The following CCDC144A variants were observed in gnomAD, a reference collection of about 807,000 sequenced individuals.
CCDC144A encodes coiled-coil domain containing 144A.
A neutral mutation model predicts 143.8 loss-of-function variants in CCDC144A; 41 were observed. The ratio of observed to expected loss-of-function variants is 0.29; its 90% CI spans 0.22 to 0.37. CCDC144A has a LOEUF of 0.37. CCDC144A is among the 10% of genes least tolerant of loss of function. The pLI is 1.00. For synonymous variants in CCDC144A, 242 were observed against 517.9 expected (o/e 0.47, Z 7.23); for missense variants, 637 against 1,488.8 (o/e 0.43, Z 9.41).
the CCDC144A span, among the ~76,000 whole-genome samples, chr17:16,676,220 A>G: frequency 1.3e-5 from 2 of 152,000 alleles, no homozygotes; most frequent in Admixed American, 6.6e-5. Context: ...AGAGTGTATA[A>G]TAGTTCTCAG....
intron 11 of CCDC144A, among the ~76,000 whole-genome samples, chr17:16,733,959 G>A (rs1362384038): frequency 6.6e-5 from 10 of 151,976 alleles, no homozygotes; most frequent in Non-Finnish European, 1.0e-4. Flanking sequence ...GCAGCATGGC[G>A]AAACCCCATC....
In CCDC144A at chr17:16,690,269, G is replaced by C; in HGVS notation, c.-132G>C. ...GCTTTGCGGTGGCTGTTGGCTTGGC[G>C]GTGGTCGCTTGGCTTGGCGTGGCAG... On this transcript the variant is annotated 5_prime_UTR_variant, in exon 1 of 17. Transcript: ENST00000399273. 1 of 602,112 alleles carries C rather than the reference G, an allele frequency of 1.7e-6. No homozygotes were observed. The highest frequency in any genetic ancestry group is 2.9e-5 in the East Asian group (1 of 33,960). The allele number at this position is 602,112 out of a possible 1,614,324, so 37.3% of individuals were successfully genotyped here. A position where few individuals can be genotyped will look rare whatever the true frequency, so the allele number is the denominator to read the frequency against.
In CCDC144A at chr17:16,734,870, A is replaced by G. The variant is rs1164122053; in HGVS notation, c.2599A>G (p.Ile867Val). 3.2e-6 allele frequency: 5 copies of G among 1,566,770 alleles called. No individual in the cohort carries two copies. The highest frequency in any genetic ancestry group is 2.6e-6 in the Non-Finnish European group (3 of 1,158,584). ...AAAGAATGATAACCTTCAAAAAATTATAAAACTAAATGAGGAAACATTAAC... is the reference window on the plus strand; with the variant it reads ...AAAGAATGATAACCTTCAAAAAATTGTAAAACTAAATGAGGAAACATTAAC... ...KEKNDNLQKI[I>V]KLNEETLTET... Residue 867 changes from isoleucine (I) to valine (V), a missense_variant, in exon 12 of 17, where the codon ATA (isoleucine) becomes GTA (valine). Ile to Val is a conservative substitution (Grantham distance 29, BLOSUM62 3). Transcript: ENST00000399273.
At chr17:16,704,098 GA>G (rs1470867178) in intron 2 of CCDC144A, among the ~76,000 whole-genome samples, 1 of 152,184 alleles carries the variant, frequency 6.6e-6, no homozygotes, top group Non-Finnish European at 1.5e-5. Flanking sequence ...CCTTTATGGT[GA>G]AATGGACTTT....
Position 16,735,014 on chromosome 17 carries a change from T to A in CCDC144A, c.2743T>A (p.Ser915Thr). The change falls in exon 12 of 17, where the codon TCA becomes ACA. Residue 915 changes from serine to threonine, a missense_variant. Physicochemically the swap from Ser to Thr is moderately conservative, Grantham distance 58. Coordinates refer to ENST00000399273, the MANE Select transcript of CCDC144A (RefSeq NM_001382000.1). The part of the protein sequence containing the change: ...NQERLEIEME[S>T]YRCRLAAAVR... ...AGAAAGACTAGAAATAGAAATGGAA[T>A]CATACCGTTGTAGACTAGCTGCTGC... is the stretch of plus-strand genomic sequence containing the variant. 6.2e-7 allele frequency: 1 copy of A among 1,611,782 alleles called. No individual in the cohort carries two copies. The highest frequency in any genetic ancestry group is 8.5e-7 in the Non-Finnish European group (1 of 1,179,564).
At chr17:16,686,874 A>G (rs947338132), upstream of CCDC144A, among the ~76,000 whole-genome samples, 3 of 152,030 alleles carry the variant, frequency 2.0e-5, no homozygotes, top group African/African-American at 7.2e-5. Flanking sequence ...GGATGCAGGA[A>G]TAGGCCTTCT....
Position 16,751,294 on chromosome 17 carries a change from A to G in CCDC144A, c.3373-10131A>G, listed in dbSNP as rs529723704. On this transcript the variant is annotated intron_variant, in intron 12 of 16. Transcript: ENST00000399273. ...TTTTTCTGGGTGGTTTCAGATGGCC[A>G]GGACTCTACACAGGTTCCTTCCTTG... 4.6e-5 allele frequency among the ~76,000 whole-genome samples: 7 copies of G among 152,072 alleles called. No individual in the cohort carries two copies. The South Asian group carries it at 6.3e-4, about 14-fold the overall frequency.
the CCDC144A span, among the ~76,000 whole-genome samples, chr17:16,682,908 T>TG: frequency 1.6e-5 from 2 of 127,546 alleles, no homozygotes; most frequent in Non-Finnish European, 3.4e-5. Context: ...TTTTTTTTTT[T>TG]TTTTTTTTTT....
rs764431781 is a variant in CCDC144A at position 16,720,211 on chromosome 17, A to G, written c.1729A>G (p.Thr577Ala). Reference sequence around the variant, plus strand: ...TTTTTTTTTCAGGCCTGCAGATAAAACATCTAATGAAAAGAACGAGGTATT... The same window carrying G: ...TTTTTTTTTCAGGCCTGCAGATAAAGCATCTAATGAAAAGAACGAGGTATT... ...NGEHDRPADKTSNEKNEVKNQ... is the reference protein window; with the variant it reads ...NGEHDRPADKASNEKNEVKNQ... Residue 577 changes from threonine (T) to alanine (A), a missense_variant, in exon 7 of 17, where the codon ACA (threonine) becomes GCA (alanine). Transcript: ENST00000399273. 4.6e-6 allele frequency: 7 copies of G among 1,519,026 alleles called. No homozygotes were observed. The highest frequency in any genetic ancestry group is 6.2e-6 in the Non-Finnish European group (7 of 1,136,958). 94.1% of individuals were successfully genotyped at this position (1,519,026 alleles called of 1,614,324 possible). A position where few individuals can be genotyped will look rare whatever the true frequency, so the allele number is the denominator to read the frequency against.
chr17:16,704,191 C>T (rs1330795056), intron 2 of CCDC144A, among the ~76,000 whole-genome samples: 11 of 152,140 alleles, frequency 7.2e-5, no homozygotes, highest in South Asian at 4.1e-4. Context: ...CGGTGGCTCA[C>T]GCCTGTAAAT....
rs200444506 is a variant in CCDC144A, at chr17:16,709,138, T to C, written c.1081T>C (p.Phe361Leu). 1,567 of 1,611,674 alleles carry C rather than the reference T, an allele frequency of 9.7e-4. 1 individual carries two copies. The highest frequency in any genetic ancestry group is 1.2e-3 in the Non-Finnish European group (1,404 of 1,179,638). The change falls in exon 5 of 17, where the codon TTT becomes CTT. Residue 361 changes from phenylalanine to leucine, a missense_variant. Phe to Leu is a conservative substitution (Grantham distance 22). Transcript: ENST00000399273. ...EISVSVVFET[F>L]PEQKEPSLKN... ...ATCTGTCTCAGTGGTATTCGAGACA[T>C]TTCCTGAACAAAAAGAACCCAGTCT... is the stretch of plus-strand genomic sequence containing the variant.
intron 6 of CCDC144A, among the ~76,000 whole-genome samples, chr17:16,719,873 A>G (rs569676681): frequency 6.6e-6 from 1 of 152,234 alleles, no homozygotes; most frequent in African/African-American, 2.4e-5. Flanking sequence ...ACCCTGGTAT[A>G]TTTATTTTTA....
chr17:16,678,858 A>T, the CCDC144A span, among the ~76,000 whole-genome samples: 255 of 149,278 alleles, frequency 1.7e-3, 5 homozygotes, highest in East Asian at 0.045. Flanking sequence ...GGGTTCAAGC[A>T]ATTCTCCTGC....
chr17:16,687,892 ATT>A (rs953258940), upstream of CCDC144A, among the ~76,000 whole-genome samples: 1 of 149,160 alleles, frequency 6.7e-6, no homozygotes, highest in African/African-American at 2.5e-5. Flanking sequence ...TAGCACACTA[ATT>A]TTTTTTTTAG....
chr17:16,734,099 C>T (rs1045927545), intron 11 of CCDC144A, among the ~76,000 whole-genome samples: 6 of 148,526 alleles, frequency 4.0e-5, no homozygotes, highest in Admixed American at 1.3e-4. Context: ...TTGATTGCGT[C>T]ACTGCCCTCT....
At chr17:16,718,113 A>C (rs1912877356) in intron 6 of CCDC144A, among the ~76,000 whole-genome samples, 1 of 152,088 alleles carries the variant, frequency 6.6e-6, no homozygotes, top group South Asian at 2.1e-4. Context: ...CCAAAGCTAG[A>C]GAATACTCAA....
intron 11 of CCDC144A, among the ~76,000 whole-genome samples, chr17:16,733,376 AC>A (rs1453134842): frequency 9.5e-5 from 14 of 146,976 alleles, no homozygotes; most frequent in Admixed American, 2.7e-4. Context: ...GGTGGCGGGA[AC>A]CTGTAGTCCC....
chr17:16,744,700 CT>C (rs1352735062), intron 12 of CCDC144A, among the ~76,000 whole-genome samples: 4 of 151,254 alleles, frequency 2.6e-5, no homozygotes, highest in Admixed American at 2.0e-4. Context: ...GCAGAAGCTC[CT>C]TTGTTTAACT....
chr17:16,737,797 T>A (rs940471464), intron 12 of CCDC144A: 1 of 307,770 alleles, frequency 3.2e-6, no homozygotes, highest in Non-Finnish European at 5.8e-6. Flanking sequence ...TTCATTTTAT[T>A]ACAATTTAAT....
Sources: allele counts gnomAD v4.1 joint callset (sites outside exome capture counted in the v4.1 genomes callset), GRCh38; gene constraint gnomAD v4.1.1; transcripts MANE v1.5; gene names NCBI Gene and HGNC (gene_info 2026-07-23, HGNC 2026-07-21).